The following USP10 variants were observed in gnomAD, a reference collection of about 807,000 sequenced individuals.
USP10 encodes the protein ubiquitin carboxyl-terminal hydrolase 10.
USP10 carries 22 observed loss-of-function variants against 84.5 expected under a neutral mutation model. The observed-to-expected ratio is 0.26, with a 90% CI of 0.19 to 0.37. The LOEUF (loss-of-function observed/expected upper bound fraction) is 0.37, where lower values mean the gene tolerates loss of function less well. Ranked by LOEUF, USP10 falls within the 10% of genes least tolerant of loss-of-function variation. USP10 has a pLI of 1.00. For synonymous variants in USP10, 454 were observed against 387.6 expected (o/e 1.17, Z -2.01); for missense variants, 1,019 against 998.9 (o/e 1.02, Z -0.27).
At position 84,745,182 on chromosome 16, in the gene USP10, G is replaced by A. The variant is rs754050695; in HGVS notation, c.701G>A (p.Ser234Asn). 82 of 1,613,264 alleles carry A rather than the reference G, an allele frequency of 5.1e-5. No individual in the cohort carries two copies. The highest frequency in any genetic ancestry group is 2.2e-4 in the Admixed American group (13 of 59,960). Residue 234 changes from serine (S) to asparagine (N), a missense_variant, in exon 4 of 14, where the codon AGT becomes AAT. Transcript: ENST00000219473. The part of the protein sequence containing the change: ...PDSPFPGALG[S>N]DTRTAGQPEG... ...AGTCCTTTCCCCGGAGCACTCGGCA[G>A]TGACACCAGGACTGCAGGGCAGCCA...
chr16:84,750,265 G>GGGC (rs1461238563), intron 4 of USP10, among the ~76,000 whole-genome samples: 24 of 152,010 alleles, frequency 1.6e-4, no homozygotes, highest in African/African-American at 5.8e-4. Context: ...AAAATTAGAT[G>GGGC]GACGTGGTGG....
chr16:84,777,698 T>C (rs1260360935), intron 13 of USP10, among the ~76,000 whole-genome samples: 2 of 151,954 alleles, frequency 1.3e-5, no homozygotes, highest in Admixed American at 6.5e-5. Context: ...CCAAGGTCCC[T>C]GGCCCAGAGA....
chr16:84,730,155 T>C (rs1449594666), intron 1 of USP10, among the ~76,000 whole-genome samples: 2 of 152,218 alleles, frequency 1.3e-5, no homozygotes, highest in East Asian at 3.8e-4. Flanking sequence ...AGTGCTACTG[T>C]CCCAAAGGTG....
At chr16:84,715,032 G>A (rs529356442) in intron 1 of USP10, among the ~76,000 whole-genome samples, 6 of 151,400 alleles carry the variant, frequency 4.0e-5, no homozygotes, top group Non-Finnish European at 7.4e-5. Context: ...GTGCTAAAGC[G>A]ATTCTCCTGC....
chr16:84,773,672 G>T (rs982014464), intron 12 of USP10, among the ~76,000 whole-genome samples: 1 of 152,152 alleles, frequency 6.6e-6, no homozygotes, highest in African/African-American at 2.4e-5. Context: ...CTCATCAGCC[G>T]ATTGCTTTTT....
intron 1 of USP10, chr16:84,716,145 C>G (rs930073459): frequency 1.3e-5 from 2 of 152,184 alleles, no homozygotes; most frequent in East Asian, 3.9e-4. Context: ...CTGGCCAGTT[C>G]GCTACTGTCC....
At chr16:84,749,148 C>A (rs1259491528) in intron 4 of USP10, among the ~76,000 whole-genome samples, 1 of 152,166 alleles carries the variant, frequency 6.6e-6, no homozygotes. Context: ...GGGAGAATGG[C>A]ATTGTTTGAA....
intron 12 of USP10, among the ~76,000 whole-genome samples, 198 bp from the exon 13 acceptor site, chr16:84,774,962 C>T (rs1349783409): frequency 1.3e-5 from 2 of 152,156 alleles, no homozygotes; most frequent in Non-Finnish European, 2.9e-5. Flanking sequence ...GCTGGCTGCA[C>T]ATTTTGTGTC....
chr16:84,776,591 G>A (rs1274448505), intron 13 of USP10, among the ~76,000 whole-genome samples: 1 of 152,108 alleles, frequency 6.6e-6, no homozygotes, highest in Non-Finnish European at 1.5e-5. Context: ...TGGCACCCAG[G>A]TCCCAGTGGG....
intron 12 of USP10, among the ~76,000 whole-genome samples, chr16:84,773,039 T>C (rs1461560448): frequency 6.6e-6 from 1 of 151,938 alleles, no homozygotes; most frequent in African/African-American, 2.4e-5. Context: ...AGTTAAGTGG[T>C]TTTTAGTGAA....
Position 84,777,940 on chromosome 16 carries a change from G to A in USP10, c.2210-955G>A, listed in dbSNP as rs985630455. ...CTTCCCGAGGCTGGTGTCTGCTGCT[G>A]GCCAGGCAGACCTGTGCCCCTCTGC... On this transcript the variant is annotated intron_variant, in intron 13 of 13. Coordinates refer to ENST00000219473, the MANE Select transcript of USP10 (RefSeq NM_005153.3). 1.1e-3 allele frequency among the ~76,000 whole-genome samples: 169 copies of A among 152,338 alleles called. 1 individual carries two copies. Among genetic ancestry groups the A allele is most frequent in the African/African-American group, 3.9e-3 (161 of 41,588 alleles).
chr16:84,740,515 G>A (rs1320610135), intron 3 of USP10, 146 bp downstream of exon 3: 8 of 607,748 alleles, frequency 1.3e-5, no homozygotes, highest in African/African-American at 3.8e-5. Flanking sequence ...GTATTTAATT[G>A]CTGAATCACT....
intron 1 of USP10, among the ~76,000 whole-genome samples, chr16:84,721,630 C>T (rs1907824964): frequency 6.6e-6 from 1 of 152,158 alleles, no homozygotes; most frequent in Non-Finnish European, 1.5e-5. Flanking sequence ...TGGGTTCAAG[C>T]CATCCTCCTG....
Position 84,718,201 on chromosome 16 carries a change from A to G in USP10, c.22-15234A>G, listed in dbSNP as rs556798050. 1.9e-3 allele frequency among the ~76,000 whole-genome samples: 297 copies of G among 152,312 alleles called. 2 individuals are homozygous for G. Among genetic ancestry groups the G allele is most frequent in the African/African-American group, 6.5e-3 (271 of 41,556 alleles). On this transcript the variant is annotated intron_variant, in intron 1 of 13. Transcript: ENST00000219473. ...TTAAAAGCAAATGAGAGATGAGTTTAATTACAAAAGAAATGTCTTTTGTTC... is the reference window on the plus strand; with the variant it reads ...TTAAAAGCAAATGAGAGATGAGTTTGATTACAAAAGAAATGTCTTTTGTTC...
intron 1 of USP10, among the ~76,000 whole-genome samples, chr16:84,729,030 T>A (rs1273170869): frequency 6.6e-6 from 1 of 151,790 alleles, no homozygotes; most frequent in Non-Finnish European, 1.5e-5. Flanking sequence ...ACTCCTGAAG[T>A]CAAGTGATCT....
chr16:84,737,743 G>A lies in USP10; in HGVS notation c.91-2566G>A, dbSNP rs114818635. Among the ~76,000 whole-genome samples the A allele has an allele frequency of 5.6e-3, 853 of 152,230 alleles. 6 individuals are homozygous for A. Among genetic ancestry groups the A allele is most frequent in the African/African-American group, 0.02 (810 of 41,536 alleles). ...TTCCTCATCTGAAGCTGGCAGTGTC[G>A]CCTGGCTTCCTCATCTGTCAGAGGG... On this transcript the variant is annotated intron_variant, in intron 2 of 13. Transcript: ENST00000219473.
intron 10 of USP10, among the ~76,000 whole-genome samples, chr16:84,766,667 C>T (rs1913899043): frequency 6.6e-6 from 1 of 152,162 alleles, no homozygotes; most frequent in Admixed American, 6.5e-5. Flanking sequence ...TAAGAGTAAC[C>T]AGTGGAAAAT....
intron 4 of USP10, among the ~76,000 whole-genome samples, chr16:84,751,157 A>G (rs74032682): frequency 0.068 from 10,416 of 152,310 alleles, 401 homozygotes; most frequent in Non-Finnish European, 0.075. Context: ...TACGGTATTC[A>G]GTACACAACA....
At chr16:84,768,430 A>T in intron 11 of USP10, 72 bp downstream of exon 11, 1 of 1,379,020 alleles carries the variant, frequency 7.3e-7, no homozygotes, top group Non-Finnish European at 9.6e-7. Context: ...CAAAATTAGG[A>T]ATGAGGGGAA....
Sources: allele counts gnomAD v4.1 joint callset (sites outside exome capture counted in the v4.1 genomes callset), GRCh38; gene constraint gnomAD v4.1.1; transcripts MANE v1.5; gene names NCBI Gene and HGNC (gene_info 2026-07-23, HGNC 2026-07-21).